Variants in LRRTM4 observed in about 807,000 individuals in gnomAD.
The protein encoded by LRRTM4 is leucine rich repeat transmembrane neuronal 4.
In LRRTM4, 25 loss-of-function variants were observed where a neutral mutation model predicts 47.6. That is an observed-to-expected ratio of 0.53 (90% CI 0.38 to 0.73). LRRTM4 has a LOEUF of 0.73. LRRTM4 is among the 30% of genes least tolerant of loss of function. The pLI is 0.00. For missense variants in LRRTM4, 638 were observed against 713.4 expected, an observed-to-expected ratio of 0.89 and a Z score of 1.20; for synonymous variants, 311 against 269.5, an observed-to-expected ratio of 1.15 and a Z score of -1.51.
chr2:76,750,662 T>C (rs888431470), intron 3 of LRRTM4, among the ~76,000 whole-genome samples: 5 of 152,194 alleles, frequency 3.3e-5, no homozygotes, highest in African/African-American at 1.2e-4. Flanking sequence ...CAGTCTTAAA[T>C]ATAATTCAGC....
chr2:76,872,951 A>G (rs938533510), intron 3 of LRRTM4, among the ~76,000 whole-genome samples: 2 of 151,936 alleles, frequency 1.3e-5, no homozygotes, highest in Non-Finnish European at 2.9e-5. Flanking sequence ...TTCACTTTCC[A>G]CTATGATTGG....
intron 3 of LRRTM4, among the ~76,000 whole-genome samples, chr2:77,256,667 C>T (rs944050511): frequency 1.3e-5 from 2 of 152,090 alleles, no homozygotes; most frequent in Non-Finnish European, 2.9e-5. Context: ...TGAGGCCTCC[C>T]GGCCATGTGA....
intron 3 of LRRTM4, among the ~76,000 whole-genome samples, chr2:77,392,485 T>A (rs1294316213): frequency 6.6e-6 from 1 of 152,014 alleles, no homozygotes; most frequent in Non-Finnish European, 1.5e-5. Flanking sequence ...GATGAATGGA[T>A]AAAGACAATG....
chr2:77,032,450 G>C (rs926642027), intron 3 of LRRTM4, among the ~76,000 whole-genome samples: 1 of 151,860 alleles, frequency 6.6e-6, no homozygotes, highest in Non-Finnish European at 1.5e-5. Context: ...TAGATTATGA[G>C]GTTCATGACA....
intron 3 of LRRTM4, among the ~76,000 whole-genome samples, chr2:77,472,117 T>C (rs1239812563): frequency 1.3e-5 from 2 of 152,168 alleles, no homozygotes; most frequent in Non-Finnish European, 2.9e-5. Flanking sequence ...ACCACCTTTT[T>C]ACGTTTTTGT....
rs1021727293 is a variant in LRRTM4, at chr2:76,948,113, T to C, written c.1552-199197A>G. Among the ~76,000 whole-genome samples, 4 of 151,926 alleles carry C rather than the reference T, an allele frequency of 2.6e-5. 1 individual carries two copies. The highest frequency in any genetic ancestry group is 2.6e-4 in the Admixed American group (4 of 15,240). On this transcript the variant is annotated intron_variant, in intron 3 of 3. Coordinates refer to ENST00000409884, the MANE Select transcript of LRRTM4 (RefSeq NM_001134745.3). ...TCCCAAATAGTATCGTATCTACGAG[T>C]TTCACGGCAACAGCAAGTAATCCAC...
chr2:77,278,029 C>T (rs1676409601), intron 3 of LRRTM4, among the ~76,000 whole-genome samples: 1 of 151,956 alleles, frequency 6.6e-6, no homozygotes, highest in Admixed American at 6.6e-5. Context: ...GCTGCAAAGT[C>T]ACACTGAAGG....
rs535908605 is a variant in LRRTM4, at chr2:76,980,338, T to C, written c.1552-231422A>G. ...TGTAGCATTGTAACAAGTTACACTTTTGTTCAAGCTAATAAAAGTGTAGTG... is the reference window on the plus strand; with the variant it reads ...TGTAGCATTGTAACAAGTTACACTTCTGTTCAAGCTAATAAAAGTGTAGTG... On this transcript the variant is annotated intron_variant, in intron 3 of 3. Coordinates refer to ENST00000409884, the MANE Select transcript of LRRTM4 (RefSeq NM_001134745.3). 4.6e-5 allele frequency among the ~76,000 whole-genome samples: 7 copies of C among 152,188 alleles called. No individual in the cohort carries two copies. In the South Asian group the frequency reaches 1.0e-3, roughly 23 times the overall value.
At chr2:77,332,899 C>A (rs954332349) in intron 3 of LRRTM4, among the ~76,000 whole-genome samples, 2 of 152,170 alleles carry the variant, frequency 1.3e-5, no homozygotes, top group African/African-American at 4.8e-5. Flanking sequence ...CAAACCTCAT[C>A]TTGAACTGTA....
chr2:77,437,818 G>C (rs993975868), intron 3 of LRRTM4, among the ~76,000 whole-genome samples: 2 of 151,988 alleles, frequency 1.3e-5, no homozygotes, highest in Admixed American at 6.6e-5. Context: ...AGACCTATTT[G>C]CTGAGTGTTT....
intron 3 of LRRTM4, among the ~76,000 whole-genome samples, chr2:77,081,247 AACACACACACACACACACACACACAC>A (rs58897041): frequency 4.3e-5 from 6 of 139,906 alleles, no homozygotes; most frequent in South Asian, 4.7e-4. Flanking sequence ...ACCTGACAGC[AACACACACACACACACACACACACAC>A]ACACACACAC....
At chr2:77,196,211 C>T (rs1329497657) in intron 3 of LRRTM4, among the ~76,000 whole-genome samples, 5 of 152,066 alleles carry the variant, frequency 3.3e-5, no homozygotes, top group Admixed American at 3.3e-4. Context: ...AATAATTGTA[C>T]AAATTCATGG....
chr2:77,181,771 G>A (rs1261593424), intron 3 of LRRTM4, among the ~76,000 whole-genome samples: 1 of 151,896 alleles, frequency 6.6e-6, no homozygotes, highest in Non-Finnish European at 1.5e-5. Flanking sequence ...TAGGAGGGGA[G>A]GAAAGGCAAT....
At chr2:76,992,597 A>G (rs548465828) in intron 3 of LRRTM4, among the ~76,000 whole-genome samples, 14 of 151,864 alleles carry the variant, frequency 9.2e-5, no homozygotes, top group East Asian at 3.9e-4. Flanking sequence ...AAAGAGAACT[A>G]CAAAACACTG....
At chr2:76,772,960 C>T (rs1673776781) in intron 3 of LRRTM4, 1 of 152,150 alleles carries the variant, frequency 6.6e-6, no homozygotes, top group Non-Finnish European at 1.5e-5. Context: ...ATCTCAAAAG[C>T]TAAGCAGGGT....
Position 77,519,689 on chromosome 2 carries a change from A to G in LRRTM4, c.180T>C (p.Ser60=), listed in dbSNP as rs546343721. 1 of 1,613,454 alleles carries G rather than the reference A, an allele frequency of 6.2e-7. No individual in the cohort carries two copies. Among genetic ancestry groups the G allele is most frequent in the African/African-American group, 1.3e-5 (1 of 74,990 alleles). The change falls in exon 3 of 4, where the codon TCT becomes TCC. Residue 60 remains serine (S), a synonymous_variant. Coordinates refer to ENST00000409884, the MANE Select transcript of LRRTM4 (RefSeq NM_001134745.3). This position sits in a 1 kb window ranked among gnomAD's most constrained non-coding sequence, Gnocchi z 4.6. ...HAFADIPENI[S]GGSQGLSLRF... ...TTAATGATAAGCCTTGTGACCCTCC[A>G]GAAATGTTCTCAGGGATATCTGCGA...
intron 3 of LRRTM4, among the ~76,000 whole-genome samples, chr2:77,126,099 G>C (rs1214479011): frequency 6.6e-6 from 1 of 151,666 alleles, no homozygotes; most frequent in Non-Finnish European, 1.5e-5. Context: ...AACTGTTACA[G>C]TCTCAAGAAA....
Position 76,794,946 on chromosome 2 carries a change from C to G in LRRTM4, c.1552-46030G>C, listed in dbSNP as rs1200497602. ...AAATTTAAACAATAGTGTGTAGACA[C>G]TGATAGAAGAATATCTTAATCTAAG... On this transcript the variant is annotated intron_variant, in intron 3 of 3. Transcript: ENST00000409884. Among the ~76,000 whole-genome samples the G allele has an allele frequency of 4.6e-5, 7 of 152,158 alleles. No homozygotes were observed. The East Asian group carries it at 1.4e-3, about 29-fold the overall frequency.
intron 3 of LRRTM4, among the ~76,000 whole-genome samples, chr2:77,200,809 C>A (rs992049466): frequency 6.6e-6 from 1 of 152,068 alleles, no homozygotes; most frequent in South Asian, 2.1e-4. Flanking sequence ...GACTGTTCTC[C>A]TTTACCTCAT....
Sources: allele counts gnomAD v4.1 joint callset (sites outside exome capture counted in the v4.1 genomes callset), GRCh38; gene constraint gnomAD v4.1.1; non-coding constraint Gnocchi (gnomAD v3.1); transcripts MANE v1.5; gene names NCBI Gene and HGNC (gene_info 2026-07-23, HGNC 2026-07-21).